Variants in KCTD16 observed in about 807,000 individuals in gnomAD.
The protein encoded by KCTD16 is BTB/POZ domain-containing protein KCTD16.
Under a neutral mutation model 33.2 loss-of-function variants are expected in KCTD16, and 13 were observed. The observed-to-expected ratio is 0.39, with a 90% CI of 0.25 to 0.62. KCTD16 has a LOEUF of 0.62. Among genes scored for constraint, KCTD16 ranks in the 20% least tolerant of loss-of-function variants. The pLI, the probability that KCTD16 is intolerant of heterozygous loss-of-function variation, is 0.50. For missense variants in KCTD16, 441 were observed against 525.1 expected (o/e 0.84, Z 1.57); for synonymous variants, 197 against 195.3 (o/e 1.01, Z -0.07).
At chr5:144,171,301 G>T (rs1170601491) in intron 1 of KCTD16, among the ~76,000 whole-genome samples, 1 of 152,258 alleles carries the variant, frequency 6.6e-6, no homozygotes, top group East Asian at 1.9e-4. Flanking sequence ...GTTATCAAAG[G>T]GTGAGTGGGA....
At chr5:144,439,671 T>A (rs867315564) in intron 3 of KCTD16, among the ~76,000 whole-genome samples, 2 of 152,146 alleles carry the variant, frequency 1.3e-5, no homozygotes, top group African/African-American at 4.8e-5. Context: ...CCCAGAGAGA[T>A]GAGTGCTCTG....
chr5:144,212,161 C>T (rs1427249029), intron 3 of KCTD16, among the ~76,000 whole-genome samples: 1 of 152,118 alleles, frequency 6.6e-6, no homozygotes, highest in African/African-American at 2.4e-5. Context: ...GACCCATGCT[C>T]AGGCAGATAT....
In KCTD16 at chr5:144,396,456, T is replaced by A. The variant is rs1580929847; in HGVS notation, c.833-77204T>A. 2.6e-5 allele frequency among the ~76,000 whole-genome samples: 4 copies of A among 152,190 alleles called. No individual in the cohort carries two copies. In the East Asian group the frequency reaches 7.7e-4, roughly 29 times the overall value. On this transcript the variant is annotated intron_variant, in intron 3 of 3. Transcript: ENST00000512467. ...ATTTACATTCAAGGACATTTGCGTT[T>A]ATATACTTGAATAAAACTCGGAACA... is the stretch of plus-strand genomic sequence containing the variant.
intron 3 of KCTD16, among the ~76,000 whole-genome samples, chr5:144,271,331 A>C (rs1755288572): frequency 6.6e-6 from 1 of 152,114 alleles, no homozygotes; most frequent in African/African-American, 2.4e-5. Flanking sequence ...TTATTTTTGG[A>C]ATTCAAGGAT....
chr5:144,230,694 G>C (rs151292637), intron 3 of KCTD16, among the ~76,000 whole-genome samples: 8 of 152,014 alleles, frequency 5.3e-5, no homozygotes, highest in African/African-American at 1.9e-4. Context: ...ATGACTTCAG[G>C]GATGTATAAT....
Position 144,224,877 on chromosome 5 carries a change from G to A in KCTD16, c.832+17331G>A, listed in dbSNP as rs193251761. Among the ~76,000 whole-genome samples, 321 of 152,308 alleles carry A rather than the reference G, an allele frequency of 2.1e-3. 1 individual carries two copies. Among genetic ancestry groups the A allele is most frequent in the African/African-American group, 7.3e-3 (305 of 41,570 alleles). ...CCACAATGGTAAACTGGGGCTCAGA[G>A]AAGTTTAACTTAACCAAGATCATAC... On this transcript the variant is annotated intron_variant, in intron 3 of 3. Transcript: ENST00000512467.
chr5:144,327,787 AT>A (rs1293449066), intron 3 of KCTD16, among the ~76,000 whole-genome samples: 5 of 152,156 alleles, frequency 3.3e-5, no homozygotes, highest in African/African-American at 1.2e-4. Context: ...TAAAACAGCT[AT>A]CTAATAATTC....
At chr5:144,461,334 C>T (rs1371376640) in intron 3 of KCTD16, among the ~76,000 whole-genome samples, 2 of 152,076 alleles carry the variant, frequency 1.3e-5, no homozygotes, top group African/African-American at 2.4e-5. Context: ...CCCATACCCC[C>T]ACTTCCCAGC....
chr5:144,388,258 T>C (rs1752374941), intron 3 of KCTD16, among the ~76,000 whole-genome samples: 1 of 151,698 alleles, frequency 6.6e-6, no homozygotes, highest in Non-Finnish European at 1.5e-5. Context: ...TTTTTTTGTA[T>C]TTTTAGTAGA....
intron 3 of KCTD16, among the ~76,000 whole-genome samples, chr5:144,396,932 A>ATATT (rs1554092369): frequency 3.5e-4 from 52 of 146,808 alleles, no homozygotes; most frequent in Middle Eastern, 3.6e-3. Context: ...ATATATATAT[A>ATATT]TTTTATTATA....
intron 3 of KCTD16, among the ~76,000 whole-genome samples, chr5:144,409,650 G>C (rs897565624): frequency 4.6e-5 from 7 of 152,094 alleles, no homozygotes; most frequent in African/African-American, 7.2e-5. Flanking sequence ...CCCGAGGTCA[G>C]GGTTCGAGAC....
chr5:144,246,755 C>A (rs1754559855), intron 3 of KCTD16, among the ~76,000 whole-genome samples: 1 of 152,170 alleles, frequency 6.6e-6, no homozygotes, highest in Non-Finnish European at 1.5e-5. Context: ...CCTCCTTCTT[C>A]TTCATCATTG....
chr5:144,354,461 T>A (rs1420786525), intron 3 of KCTD16, among the ~76,000 whole-genome samples: 1 of 152,136 alleles, frequency 6.6e-6, no homozygotes, highest in Non-Finnish European at 1.5e-5. Context: ...CCTAGACCCT[T>A]CCACCCTCTG....
chr5:144,482,320 ATGT>A lies in KCTD16; in HGVS notation c.*8210_*8212del, dbSNP rs1355624218. ...CACAAAAATTTTCAAGGGGGCAATA[ATGT>A]TGTAGAACAAGTATCTGGTGAGTAC... is the stretch of plus-strand genomic sequence containing the variant. On this transcript the variant is annotated 3_prime_UTR_variant, in exon 4 of 4. Transcript: ENST00000512467. 6.6e-6 allele frequency: 1 copy of A among 151,956 alleles called. No individual in the cohort carries two copies. The highest frequency in any genetic ancestry group is 2.4e-5 in the African/African-American group (1 of 41,418). The allele number at this position is 151,956 out of a possible 1,614,324, so 9.4% of individuals were successfully genotyped here.
chr5:144,217,205 G>A (rs1030479574), intron 3 of KCTD16, among the ~76,000 whole-genome samples: 5 of 152,156 alleles, frequency 3.3e-5, no homozygotes, highest in African/African-American at 1.2e-4. Flanking sequence ...ATTTTCTTAT[G>A]GCTTAAGCAC....
At chr5:144,213,340 C>T (rs1278211468) in intron 3 of KCTD16, among the ~76,000 whole-genome samples, 1 of 151,800 alleles carries the variant, frequency 6.6e-6, no homozygotes, top group East Asian at 1.9e-4. Flanking sequence ...GCTCTATTCC[C>T]TTTTCTCTCT....
At chr5:144,198,633 T>C (rs1283415829) in intron 2 of KCTD16, among the ~76,000 whole-genome samples, 1 of 152,248 alleles carries the variant, frequency 6.6e-6, no homozygotes, top group South Asian at 2.1e-4. Context: ...CCAAAGTGAC[T>C]GTGCTGAATC....
intron 3 of KCTD16, among the ~76,000 whole-genome samples, chr5:144,403,406 T>C (rs762290888): frequency 3.9e-5 from 6 of 152,006 alleles, no homozygotes; most frequent in Non-Finnish European, 8.8e-5. Flanking sequence ...AGTAATGCCC[T>C]GTGAAGACAC....
At chr5:144,272,028 A>G (rs1755312345) in intron 3 of KCTD16, among the ~76,000 whole-genome samples, 1 of 152,204 alleles carries the variant, frequency 6.6e-6, no homozygotes, top group Non-Finnish European at 1.5e-5. Context: ...AATAAATGGG[A>G]GCACATTTCA....
Sources: gnomAD v4.1 joint callset for allele counts (sites outside exome capture counted in the v4.1 genomes callset) on GRCh38, gnomAD v4.1.1 for gene constraint, MANE v1.5 for transcripts, NCBI Gene and HGNC (gene_info 2026-07-23, HGNC 2026-07-21) for gene names.